Variants in FRMD8 observed in about 807,000 individuals in gnomAD.
FRMD8 encodes FERM domain-containing protein 8.
Under a neutral mutation model 54.2 loss-of-function variants are expected in FRMD8, and 37 were observed. The ratio of observed to expected loss-of-function variants is 0.68; its 90% confidence interval spans 0.53 to 0.90. The LOEUF (loss-of-function observed/expected upper bound fraction) is 0.90, where lower values mean the gene tolerates loss of function less well. Among genes scored for constraint, FRMD8 ranks in the 40% least tolerant of loss-of-function variants. The pLI, the probability that FRMD8 is intolerant of heterozygous loss-of-function variation, is 0.00. For synonymous variants in FRMD8, 246 were observed against 286.9 expected (o/e 0.86, Z 1.44); for missense variants, 585 against 653.7 (o/e 0.89, Z 1.15).
intron 5 of FRMD8, 70 bp downstream of exon 5, chr11:65,394,169 C>T: frequency 1.2e-6 from 2 of 1,603,864 alleles, no homozygotes; most frequent in South Asian, 2.2e-5. Flanking sequence ...CCCTAGACCC[C>T]TGGACATTCG....
At chr11:65,381,948 G>T, upstream of FRMD8, 1 of 1,614,010 alleles carries the variant, frequency 6.2e-7, no homozygotes, top group Non-Finnish European at 8.5e-7. Flanking sequence ...TCCTCCACCG[G>T]CATTGTCTGG....
At position 65,393,638 on chromosome 11, in the gene FRMD8, C is replaced by T. The variant is rs756093422; in HGVS notation, c.319C>T (p.Arg107Cys). The change falls in exon 4 of 11, where the codon CGC (arginine) becomes TGC (cysteine). Residue 107 changes from arginine to cysteine, a missense_variant. Coordinates refer to ENST00000317568, the MANE Select transcript of FRMD8 (RefSeq NM_031904.5). ...ACGCCAGTGGCCGGAGCTGCTGCTG[C>T]GCTTCACCAGTGCCCCAGACGATGA... is the stretch of plus-strand genomic sequence containing the variant. ...LGRQWPELLL[R>C]FTSAPDDDVA... The T allele has an allele frequency of 1.3e-5, 21 of 1,607,834 alleles. No individual in the cohort carries two copies. The highest frequency in any genetic ancestry group is 1.1e-4 in the East Asian group (5 of 44,888).
intron 7 of FRMD8, 114 bp from the exon 8 acceptor site, chr11:65,399,622 C>A: frequency 1.6e-6 from 2 of 1,262,138 alleles, no homozygotes; most frequent in Non-Finnish European, 2.2e-6. Context: ...TTCCCTGGGG[C>A]GGGTTTCAGT....
At chr11:65,371,713 C>T in the FRMD8 span, among the ~76,000 whole-genome samples, 9 of 152,234 alleles carry the variant, frequency 5.9e-5, no homozygotes, top group African/African-American at 1.7e-4. Context: ...CTCTCTGGTT[C>T]GGGTGATTCT....
chr11:65,394,435 T>G lies in FRMD8; in HGVS notation c.581+10T>G. The G allele has an allele frequency of 6.4e-7, 1 of 1,562,244 alleles. No individual in the cohort carries two copies. The highest frequency in any genetic ancestry group is 2.3e-5 in the East Asian group (1 of 42,646). On this transcript the variant is annotated intron_variant, in intron 6 of 10. Transcript: ENST00000317568. ...CAGCCTGCGACCTGAGGTGAGGGCC[T>G]GTGTGACTTGAGGCGGGGGCGCTGG...
rs1565608239 is a variant in FRMD8, at chr11:65,400,951, C to T, written c.1071+84C>T. On this transcript the variant is annotated intron_variant, in intron 9 of 10. Coordinates refer to ENST00000317568, the MANE Select transcript of FRMD8 (RefSeq NM_031904.5). This position sits in a 1 kb window ranked among gnomAD's most constrained non-coding sequence, Gnocchi z 4.3. ...CAGACAATTAGAGGCACCAGGCTGGCGGGCAAGGAGGTGAGAAGCTGCCTT... is the reference window on the plus strand; with the variant it reads ...CAGACAATTAGAGGCACCAGGCTGGTGGGCAAGGAGGTGAGAAGCTGCCTT... 10 of 1,441,084 alleles carry T rather than the reference C, an allele frequency of 6.9e-6. No homozygotes were observed. The highest frequency in any genetic ancestry group is 4.8e-5 in the East Asian group (2 of 41,784). The allele number at this position is 1,441,084 out of a possible 1,614,324, so 89.3% of individuals were successfully genotyped here.
At chr11:65,386,884 C>T in intron 1 of FRMD8, 123 bp downstream of exon 1, 1 of 680,818 alleles carries the variant, frequency 1.5e-6, no homozygotes, top group Admixed American at 2.5e-5. Context: ...CTCCCACCAG[C>T]GCCCGGTCTG....
At chr11:65,371,531 A>G in the FRMD8 span, among the ~76,000 whole-genome samples, 1 of 152,220 alleles carries the variant, frequency 6.6e-6, no homozygotes, top group Non-Finnish European at 1.5e-5. Context: ...GTTCTCAAAA[A>G]TAACAGCAAC....
At position 65,399,448 on chromosome 11, in the gene FRMD8, C is replaced by T. The variant is rs543137434; in HGVS notation, c.804-288C>T. Among the ~76,000 whole-genome samples, 159 of 152,306 alleles carry T rather than the reference C, an allele frequency of 1.0e-3. 2 individuals are homozygous for T. The South Asian group carries it at 0.012, about 11-fold the overall frequency. ...CCTGGCCCCCAGACCAAGTGCCAAA[C>T]CCACGACTGGCTTTGCTCCACACCT... On this transcript the variant is annotated intron_variant, in intron 7 of 10. Transcript: ENST00000317568.
chr11:65,410,989 G>A (rs1404115462), intron 10 of FRMD8, among the ~76,000 whole-genome samples: 2 of 152,286 alleles, frequency 1.3e-5, no homozygotes, highest in East Asian at 1.9e-4. Flanking sequence ...TAGTTGTCAC[G>A]TCTCCCCAGG....
At chr11:65,389,636 C>T in intron 3 of FRMD8, 108 bp downstream of exon 3, 4 of 1,180,806 alleles carry the variant, frequency 3.4e-6, no homozygotes, top group Non-Finnish European at 4.7e-6. Flanking sequence ...TGGCCACTGC[C>T]CATGGGGAAA....
At position 65,404,196 on chromosome 11, in the gene FRMD8, A is replaced by T. The variant is rs1171034103; in HGVS notation, c.1072-668A>T. On this transcript the variant is annotated intron_variant, in intron 9 of 10. Coordinates refer to ENST00000317568, the MANE Select transcript of FRMD8 (RefSeq NM_031904.5). This position sits in a 1 kb window ranked among gnomAD's most constrained non-coding sequence, Gnocchi z 4.7. ...TGGCCATTCCTGTCTACTTGGCCTC[A>T]TCTTATCCCAGGCCTGCAGCAGTGC... Among the ~76,000 whole-genome samples, 1 of 152,150 alleles carries T rather than the reference A, an allele frequency of 6.6e-6. No homozygotes were observed. The highest frequency in any genetic ancestry group is 1.5e-5 in the Non-Finnish European group (1 of 68,004).
the FRMD8 span, chr11:65,376,878 T>A: frequency 6.2e-7 from 1 of 1,614,160 alleles, no homozygotes. Context: ...ATGAAGTAGA[T>A]CCCCACCGTG....
upstream of FRMD8, chr11:65,382,442 C>T (rs1855624048): frequency 5.5e-6 from 1 of 182,548 alleles, no homozygotes; most frequent in South Asian, 1.0e-4. This position sits in a 1 kb window ranked among gnomAD's most constrained non-coding sequence, Gnocchi z 4.4. Flanking sequence ...GCATTTGCCG[C>T]TGCGTGGCAG....
At position 65,399,969 on chromosome 11, in the gene FRMD8, T is replaced by C. The variant is rs1856037705; in HGVS notation, c.927+110T>C. 17 of 1,318,642 alleles carry C rather than the reference T, an allele frequency of 1.3e-5. No individual in the cohort carries two copies. The South Asian group carries it at 2.5e-4, about 19-fold the overall frequency. 81.7% of individuals were successfully genotyped at this position (1,318,642 alleles called of 1,614,324 possible). ...GCCTGGGGGCAAGGTGGATGGACTGTCTGGGAGGGACCCTGCCTCCGTTGG... is the reference window on the plus strand; with the variant it reads ...GCCTGGGGGCAAGGTGGATGGACTGCCTGGGAGGGACCCTGCCTCCGTTGG... On this transcript the variant is annotated intron_variant, in intron 8 of 10. Transcript: ENST00000317568.
chr11:65,382,094 T>TC, upstream of FRMD8: 1 of 740,306 alleles, frequency 1.4e-6, no homozygotes, highest in Admixed American at 2.1e-5. The surrounding 1 kb of genome is among the most constrained non-coding windows in gnomAD (Gnocchi z 4.4). Flanking sequence ...TGCCCAGACC[T>TC]CCGGCAACTG....
chr11:65,403,034 G>A (rs1423482569), intron 9 of FRMD8, among the ~76,000 whole-genome samples: 1 of 152,024 alleles, frequency 6.6e-6, no homozygotes, highest in Non-Finnish European at 1.5e-5. Flanking sequence ...GCACCACCAT[G>A]CCAGGCTAAC....
Position 65,387,048 on chromosome 11 carries a change from A to C in FRMD8, c.12A>C (p.Thr4=). The change falls in exon 2 of 11, where the codon ACA becomes ACC. Residue 4 remains threonine (T), a synonymous_variant. Transcript: ENST00000317568. ...CTTTGCCTTTGCAGATGGACGGGAC[A>C]GAAGGCAGTGCCGGGCAGCCCGGCC... MDG[T]EGSAGQPGPA... 6.2e-7 allele frequency: 1 copy of C among 1,609,488 alleles called. No individual in the cohort carries two copies. The highest frequency in any genetic ancestry group is 1.3e-5 in the African/African-American group (1 of 75,006).
chr11:65,398,762 G>A (rs995582854), intron 7 of FRMD8, among the ~76,000 whole-genome samples: 4 of 152,190 alleles, frequency 2.6e-5, no homozygotes, highest in East Asian at 3.8e-4. Context: ...CAGTGAAATC[G>A]GAGGGCTGGC....
Sources: allele counts gnomAD v4.1 joint callset (sites outside exome capture counted in the v4.1 genomes callset), GRCh38; gene constraint gnomAD v4.1.1; non-coding constraint Gnocchi (gnomAD v3.1); transcripts MANE v1.5; gene names NCBI Gene and HGNC (gene_info 2026-07-23, HGNC 2026-07-21).